Variants in MACROD2 observed in about 807,000 individuals in gnomAD.
The protein encoded by MACROD2 is ADP-ribose glycohydrolase MACROD2.
Under a neutral mutation model 70.4 loss-of-function variants are expected in MACROD2, and 36 were observed. That is an observed-to-expected ratio of 0.51 (90% confidence interval 0.39 to 0.68). MACROD2 has a LOEUF of 0.68. Among genes scored for constraint, MACROD2 ranks in the 30% least tolerant of loss-of-function variants. MACROD2 has a pLI of 0.00. For synonymous variants in MACROD2, 172 were observed against 178.8 expected, an observed-to-expected ratio of 0.96 and a Z score of 0.30; for missense variants, 496 against 538.4, an observed-to-expected ratio of 0.92 and a Z score of 0.78.
intron 5 of MACROD2, among the ~76,000 whole-genome samples, chr20:15,076,027 G>A (rs1419433097): frequency 6.6e-6 from 1 of 152,134 alleles, no homozygotes; most frequent in Non-Finnish European, 1.5e-5. Flanking sequence ...CTTCATAAAA[G>A]GCGATCAGTT....
At chr20:14,457,974 G>T (rs2084323079) in intron 3 of MACROD2, among the ~76,000 whole-genome samples, 1 of 151,916 alleles carries the variant, frequency 6.6e-6, no homozygotes, top group Non-Finnish European at 1.5e-5. Context: ...CATTGCACGT[G>T]CCTGTAATCC....
At chr20:14,111,072 C>A (rs528989082) in intron 3 of MACROD2, among the ~76,000 whole-genome samples, 35 of 151,866 alleles carry the variant, frequency 2.3e-4, no homozygotes, top group African/African-American at 8.2e-4. Context: ...AATCCATACA[C>A]CTACAGTGAA....
At chr20:15,762,097 T>C (rs1318408825) in intron 8 of MACROD2, among the ~76,000 whole-genome samples, 1 of 152,154 alleles carries the variant, frequency 6.6e-6, no homozygotes, top group African/African-American at 2.4e-5. Flanking sequence ...GATGATAGAA[T>C]AAAAGCCCCA....
chr20:15,039,669 G>A (rs547995480), intron 5 of MACROD2, among the ~76,000 whole-genome samples: 10 of 152,220 alleles, frequency 6.6e-5, no homozygotes, highest in African/African-American at 2.2e-4. Flanking sequence ...AACAGAAAGC[G>A]ACTCTACAGC....
intron 3 of MACROD2, among the ~76,000 whole-genome samples, chr20:14,204,378 A>T (rs2081505492): frequency 6.6e-6 from 1 of 152,198 alleles, no homozygotes; most frequent in Non-Finnish European, 1.5e-5. Flanking sequence ...GCAGTGCTCC[A>T]GAGATGTGGA....
chr20:15,710,138 C>CA (rs1367385535), intron 8 of MACROD2, among the ~76,000 whole-genome samples: 1 of 133,828 alleles, frequency 7.5e-6, no homozygotes, highest in Admixed American at 8.6e-5. Context: ...AAATGCAACT[C>CA]AAAACCACAA....
Position 15,743,627 on chromosome 20 carries a change from T to C in MACROD2, c.646-119118T>C, listed in dbSNP as rs78518533. ...TGTTTTTTGATCCCTGAAAAATCTC[T>C]GGGCTTTCCTCCCTCCAGGCCTCTA... On this transcript the variant is annotated intron_variant, in intron 8 of 17. Coordinates refer to ENST00000684519, the MANE Select transcript of MACROD2 (RefSeq NM_001351661.2). Among the ~76,000 whole-genome samples, 338 of 152,234 alleles carry C rather than the reference T, an allele frequency of 2.2e-3. 1 individual carries two copies. Among genetic ancestry groups the C allele is most frequent in the Admixed American group, 8.1e-3 (124 of 15,298 alleles).
At chr20:15,935,509 A>T (rs547411077) in intron 11 of MACROD2, among the ~76,000 whole-genome samples, 2 of 152,318 alleles carry the variant, frequency 1.3e-5, no homozygotes, top group South Asian at 4.1e-4. Flanking sequence ...AAATAAAAGT[A>T]TCTTCTTTTC....
intron 5 of MACROD2, among the ~76,000 whole-genome samples, chr20:15,055,719 G>A (rs1172117978): frequency 1.3e-5 from 2 of 151,904 alleles, no homozygotes; most frequent in Non-Finnish European, 2.9e-5. Flanking sequence ...ATATTTAGGA[G>A]GAGGCTAAAT....
At chr20:15,636,876 G>A (rs763606227) in intron 8 of MACROD2, among the ~76,000 whole-genome samples, 2 of 152,052 alleles carry the variant, frequency 1.3e-5, no homozygotes, top group Non-Finnish European at 2.9e-5. Context: ...AGAGATGCAG[G>A]CTAAGAACTA....
intron 3 of MACROD2, among the ~76,000 whole-genome samples, chr20:14,154,663 C>G (rs1335742164): frequency 6.6e-6 from 1 of 150,980 alleles, no homozygotes; most frequent in Non-Finnish European, 1.5e-5. Context: ...CCGCCCGCCT[C>G]GGCCTCCCAA....
rs926833138 is a variant in MACROD2, at chr20:14,299,840, G to A, written c.272-193639G>A. On this transcript the variant is annotated intron_variant, in intron 3 of 17. Coordinates refer to ENST00000684519, the MANE Select transcript of MACROD2 (RefSeq NM_001351661.2). Reference sequence around the variant, plus strand: ...AGATTTAATTTCTTACATAGTGAAGGACTTCCTTTTGATATATACAGAGAA... The same window carrying A: ...AGATTTAATTTCTTACATAGTGAAGAACTTCCTTTTGATATATACAGAGAA... 5.3e-5 allele frequency among the ~76,000 whole-genome samples: 8 copies of A among 152,248 alleles called. 1 individual carries two copies. The South Asian group carries it at 1.7e-3, about 32-fold the overall frequency.
At position 15,766,930 on chromosome 20, in the gene MACROD2, G is replaced by A. The variant is rs983795529; in HGVS notation, c.646-95815G>A. On this transcript the variant is annotated intron_variant, in intron 8 of 17. Coordinates refer to ENST00000684519, the MANE Select transcript of MACROD2 (RefSeq NM_001351661.2). Reference sequence around the variant, plus strand: ...GAAGGGATCCACCTAGCCAGAGGGCGAGCCCCCTTGCACAACACTTTTCAT... The same window carrying A: ...GAAGGGATCCACCTAGCCAGAGGGCAAGCCCCCTTGCACAACACTTTTCAT... Among the ~76,000 whole-genome samples the A allele has an allele frequency of 9.9e-5, 15 of 152,256 alleles. No homozygotes were observed. In the South Asian group the frequency reaches 1.2e-3, roughly 13 times the overall value.
chr20:15,277,183 A>T (rs563721101), intron 6 of MACROD2, among the ~76,000 whole-genome samples: 1 of 152,306 alleles, frequency 6.6e-6, no homozygotes, highest in Non-Finnish European at 1.5e-5. Flanking sequence ...AGTTCCTATC[A>T]TCTTAAGACA....
intron 5 of MACROD2, among the ~76,000 whole-genome samples, chr20:14,999,072 C>CT (rs2074973063): frequency 6.6e-6 from 1 of 152,178 alleles, no homozygotes; most frequent in Non-Finnish European, 1.5e-5. Context: ...GAAATAAAGA[C>CT]TTTCCCAAAC....
intron 3 of MACROD2, among the ~76,000 whole-genome samples, chr20:14,331,908 A>ACTT (rs1277497562): frequency 1.3e-5 from 2 of 152,128 alleles, no homozygotes; most frequent in Non-Finnish European, 2.9e-5. Context: ...CATAACACTG[A>ACTT]CTTCAGAGCC....
chr20:14,321,524 T>TTAA (rs2082660533), intron 3 of MACROD2, among the ~76,000 whole-genome samples: 1 of 152,206 alleles, frequency 6.6e-6, no homozygotes, highest in Non-Finnish European at 1.5e-5. Flanking sequence ...TCTAAGACTA[T>TTAA]GCTAAATTAA....
chr20:15,823,399 A>G (rs1281199302), intron 8 of MACROD2, among the ~76,000 whole-genome samples: 3 of 152,072 alleles, frequency 2.0e-5, no homozygotes, highest in African/African-American at 7.2e-5. Context: ...GCTGCATTGA[A>G]CAGACATATC....
intron 8 of MACROD2, among the ~76,000 whole-genome samples, chr20:15,675,152 T>C (rs2050039266): frequency 6.6e-6 from 1 of 152,250 alleles, no homozygotes; most frequent in African/African-American, 2.4e-5. Context: ...CAAGCATTTT[T>C]ATTTATCTTC....
Sources: allele counts gnomAD v4.1 joint callset (sites outside exome capture counted in the v4.1 genomes callset), GRCh38; gene constraint gnomAD v4.1.1; transcripts MANE v1.5; gene names NCBI Gene and HGNC (gene_info 2026-07-23, HGNC 2026-07-21).